The following SCFD2 variants were observed in gnomAD, a reference collection of about 807,000 sequenced individuals.
The protein encoded by SCFD2 is sec1 family domain-containing protein 2.
In SCFD2, 54 loss-of-function variants were observed where a neutral mutation model predicts 58.9. The ratio of observed to expected loss-of-function variants is 0.92; its 90% CI spans 0.74 to 1.15. The LOEUF is 1.15. Among genes scored for constraint, SCFD2 ranks in the 50% most tolerant of loss-of-function variants. The pLI is 0.00. For missense variants in SCFD2, 805 were observed against 836.6 expected, an observed-to-expected ratio of 0.96 and a Z score of 0.47; for synonymous variants, 321 against 335.9, an observed-to-expected ratio of 0.96 and a Z score of 0.49.
intron 3 of SCFD2, among the ~76,000 whole-genome samples, chr4:53,284,694 T>C (rs1195025188): frequency 6.6e-6 from 1 of 152,174 alleles, no homozygotes. Flanking sequence ...AGAAATATGG[T>C]TAACATGCAT....
chr4:53,241,722 T>C (rs1729899999), intron 4 of SCFD2, among the ~76,000 whole-genome samples: 1 of 152,202 alleles, frequency 6.6e-6, no homozygotes, highest in African/African-American at 2.4e-5. Context: ...CACCCTGTCA[T>C]GCCACTGCTG....
At chr4:53,152,550 G>A (rs11737255) in intron 4 of SCFD2, among the ~76,000 whole-genome samples, 24,492 of 152,004 alleles carry the variant, frequency 0.16, 2,457 homozygotes, top group Admixed American at 0.25. Context: ...AGGTATAGGG[G>A]TTTCAATATG....
At chr4:53,144,690 G>C (rs1490079159) in intron 5 of SCFD2, among the ~76,000 whole-genome samples, 1 of 151,816 alleles carries the variant, frequency 6.6e-6, no homozygotes, top group Non-Finnish European at 1.5e-5. Flanking sequence ...TCTTTGAATA[G>C]GATGTACTAC....
chr4:53,331,476 T>C (rs1320347936), intron 2 of SCFD2, among the ~76,000 whole-genome samples: 2 of 152,120 alleles, frequency 1.3e-5, no homozygotes, highest in African/African-American at 4.8e-5. Flanking sequence ...GGAAACTGAA[T>C]AACCTGCTCC....
At chr4:52,903,199 A>G (rs539245993) in intron 7 of SCFD2, among the ~76,000 whole-genome samples, 46 of 152,296 alleles carry the variant, frequency 3.0e-4, no homozygotes, top group African/African-American at 1.1e-3. Flanking sequence ...TGGAAAGGAG[A>G]AGAGAGCATC....
intron 2 of SCFD2, among the ~76,000 whole-genome samples, chr4:53,330,946 T>C (rs1326217029): frequency 1.3e-4 from 20 of 151,440 alleles, no homozygotes; most frequent in Admixed American, 3.3e-4. Context: ...GGTTGCAATC[T>C]TAGTCTCTGA....
intron 5 of SCFD2, among the ~76,000 whole-genome samples, chr4:52,923,912 C>T (rs1354110682): frequency 6.6e-6 from 1 of 152,204 alleles, no homozygotes; most frequent in Non-Finnish European, 1.5e-5. Flanking sequence ...TTCTTTCCTT[C>T]AACCCCTAGG....
intron 4 of SCFD2, among the ~76,000 whole-genome samples, chr4:53,200,666 A>G (rs113567780): frequency 6.6e-6 from 1 of 152,080 alleles, no homozygotes. Flanking sequence ...GAGGTAGACT[A>G]TCTGGTTTAG....
At chr4:53,340,626 A>T (rs1307065650) in intron 2 of SCFD2, among the ~76,000 whole-genome samples, 5 of 152,204 alleles carry the variant, frequency 3.3e-5, no homozygotes, top group African/African-American at 1.2e-4. Context: ...TTCTCCCAGC[A>T]CAGAGTTTGA....
intron 5 of SCFD2, among the ~76,000 whole-genome samples, chr4:52,963,022 T>C (rs1720886566): frequency 6.6e-6 from 1 of 152,200 alleles, no homozygotes; most frequent in African/African-American, 2.4e-5. Flanking sequence ...TACTTGTATA[T>C]AAGCTCATTG....
intron 5 of SCFD2, among the ~76,000 whole-genome samples, chr4:52,978,633 A>G (rs1721305008): frequency 1.3e-5 from 2 of 151,982 alleles, no homozygotes; most frequent in South Asian, 4.1e-4. Flanking sequence ...GTTCATTGTG[A>G]TTAGTTGTTT....
chr4:53,079,724 T>C (rs1242079081), intron 5 of SCFD2, among the ~76,000 whole-genome samples: 1 of 152,162 alleles, frequency 6.6e-6, no homozygotes, highest in Non-Finnish European at 1.5e-5. Context: ...ATTAGACTCT[T>C]GATAAATGCT....
chr4:53,200,035 G>A (rs999125384), intron 4 of SCFD2, among the ~76,000 whole-genome samples: 1 of 151,992 alleles, frequency 6.6e-6, no homozygotes, highest in African/African-American at 2.4e-5. Flanking sequence ...AATCCTATCA[G>A]AAGGTCCCAC....
chr4:53,273,426 A>G (rs1407706018), intron 4 of SCFD2, among the ~76,000 whole-genome samples: 1 of 152,180 alleles, frequency 6.6e-6, no homozygotes, highest in Non-Finnish European at 1.5e-5. Flanking sequence ...CACATGCTAT[A>G]TGTTGCTTAA....
At chr4:52,956,283 G>A (rs773205622) in intron 5 of SCFD2, 20 of 456,230 alleles carry the variant, frequency 4.4e-5, no homozygotes, top group African/African-American at 1.0e-4. Flanking sequence ...GAAGGGGAGC[G>A]GTGGCTGAGG....
At chr4:53,164,788 CAAA>C (rs767167356) in intron 4 of SCFD2, among the ~76,000 whole-genome samples, 6 of 97,658 alleles carry the variant, frequency 6.1e-5, no homozygotes, top group African/African-American at 1.6e-4. Context: ...TCTGGAGTCT[CAAA>C]AAAAAAAAAA....
chr4:53,172,704 T>TA (rs1727215810), intron 4 of SCFD2, among the ~76,000 whole-genome samples: 1 of 152,212 alleles, frequency 6.6e-6, no homozygotes, highest in African/African-American at 2.4e-5. Context: ...ATCAGAAAGA[T>TA]ACTTGATATA....
intron 5 of SCFD2, among the ~76,000 whole-genome samples, chr4:52,970,693 A>C (rs1721077342): frequency 6.6e-6 from 1 of 152,194 alleles, no homozygotes; most frequent in African/African-American, 2.4e-5. Context: ...ACGCAGCCGG[A>C]AATATGAGAA....
chr4:53,323,792 T>G (rs1173011396), intron 2 of SCFD2, among the ~76,000 whole-genome samples: 1 of 152,000 alleles, frequency 6.6e-6, no homozygotes, highest in Non-Finnish European at 1.5e-5. Context: ...GTGACAAAAG[T>G]AGAGAGCTCT....
Sources: allele counts gnomAD v4.1 joint callset (sites outside exome capture counted in the v4.1 genomes callset), GRCh38; gene constraint gnomAD v4.1.1; transcripts MANE v1.5; gene names NCBI Gene and HGNC (gene_info 2026-07-23, HGNC 2026-07-21).